TNS1: variants seen among roughly 807,000 people sequenced by gnomAD.
The protein encoded by TNS1 is tensin-1.
In TNS1, 62 loss-of-function variants were observed where a neutral mutation model predicts 168.6. The observed-to-expected ratio is 0.37, with a 90% CI of 0.30 to 0.45. The LOEUF (loss-of-function observed/expected upper bound fraction) is 0.45, where lower values mean the gene tolerates loss of function less well. Among genes scored for constraint, TNS1 ranks in the 20% least tolerant of loss-of-function variants. TNS1 has a pLI of 1.00. For missense variants in TNS1, 2,240 were observed against 2,339.4 expected (o/e 0.96, Z 0.88); for synonymous variants, 934 against 933.2 (o/e 1.00, Z -0.02).
At chr2:217,858,700 A>ACACACACACACACACACACAC (rs1212064824) in intron 18 of TNS1, 13 of 188,322 alleles carry the variant, frequency 6.9e-5, no homozygotes, top group African/African-American at 3.4e-4. Flanking sequence ...ACACACACAC[A>ACACACACACACACACACACAC]CCCCACTCCC....
rs190876936 is a variant in TNS1 at position 217,860,140 on chromosome 2, G to A, written c.1430-11053C>T. Reference sequence around the variant, plus strand: ...CCTTCCCAGCTAAGTTTGGTACAGCGAGATTGGGAGGGAAAGCCCTGCCAG... The same window carrying A: ...CCTTCCCAGCTAAGTTTGGTACAGCAAGATTGGGAGGGAAAGCCCTGCCAG... On this transcript the variant is annotated intron_variant, in intron 18 of 32. Transcript: ENST00000682258. 2.9e-3 allele frequency among the ~76,000 whole-genome samples: 441 copies of A among 152,292 alleles called. 5 individuals are homozygous for A. Among genetic ancestry groups the A allele is most frequent in the African/African-American group, 0.01 (429 of 41,546 alleles).
intron 3 of TNS1, among the ~76,000 whole-genome samples, chr2:217,929,315 G>A (rs1575101166): frequency 6.6e-6 from 1 of 152,320 alleles, no homozygotes; most frequent in East Asian, 1.9e-4. Flanking sequence ...CCTAATCAGG[G>A]AAGCTGGGAG....
At chr2:217,849,600 G>A (rs1409019494) in intron 18 of TNS1, 1 of 960,454 alleles carries the variant, frequency 1.0e-6, no homozygotes, top group Non-Finnish European at 1.2e-6. Flanking sequence ...TCACCATTAT[G>A]AGTATCATTA....
chr2:217,867,124 T>G (rs1236066996), intron 18 of TNS1, among the ~76,000 whole-genome samples: 1 of 151,960 alleles, frequency 6.6e-6, no homozygotes, highest in Non-Finnish European at 1.5e-5. Flanking sequence ...TCATGAGGAG[T>G]ACAAGAAATT....
At position 217,836,164 on chromosome 2, in the gene TNS1, G is replaced by T. The variant is rs745427493; in HGVS notation, c.3055C>A (p.Arg1019=). 1 of 1,613,620 alleles carries T rather than the reference G, an allele frequency of 6.2e-7. No homozygotes were observed. The highest frequency in any genetic ancestry group is 1.1e-5 in the South Asian group (1 of 91,070). ...KQPAEPPAPL[R]RRAASDGQYE... Reference sequence around the variant, plus strand: ...TGTCCATCACTGGCCGCCCGCCTCCGCAGAGGGGCTGGGGGCTCTGCAGGC... The same window carrying T: ...TGTCCATCACTGGCCGCCCGCCTCCTCAGAGGGGCTGGGGGCTCTGCAGGC... Residue 1019 remains arginine (R), a synonymous_variant, in exon 20 of 33, where the codon CGG becomes AGG. Coordinates refer to ENST00000682258, the MANE Select transcript of TNS1 (RefSeq NM_001387777.1).
intron 22 of TNS1, among the ~76,000 whole-genome samples, chr2:217,827,865 G>A (rs1033972794): frequency 6.6e-6 from 1 of 152,186 alleles, no homozygotes; most frequent in Non-Finnish European, 1.5e-5. Context: ...CGAGGCCCAC[G>A]CCCCTGAAGT....
chr2:217,858,230 AC>A (rs1416355418), intron 18 of TNS1, among the ~76,000 whole-genome samples: 1 of 151,570 alleles, frequency 6.6e-6, no homozygotes, highest in East Asian at 1.9e-4. Context: ...CAACCCAGAT[AC>A]CCTCGCCCTG....
Position 218,030,986 on chromosome 2 carries a change from GTGTA to G in TNS1, c.156+2830_156+2833del, listed in dbSNP as rs963255499. Among the ~76,000 whole-genome samples the G allele has an allele frequency of 4.0e-4, 61 of 151,702 alleles. 1 individual carries two copies. Among genetic ancestry groups the G allele is most frequent in the Middle Eastern group, 3.4e-3 (1 of 294 alleles). ...GCATGTGTGTGAACTGTGTGTATGA[GTGTA>G]TGTATGAGTGTGAGTGTGGGAGTGT... On this transcript the variant is annotated intron_variant, in intron 1 of 1. Coordinates refer to the TNS1 transcript ENST00000649572.
intron 18 of TNS1, chr2:217,850,440 A>G (rs765364961): frequency 1.6e-4 from 157 of 985,168 alleles, no homozygotes; most frequent in Non-Finnish European, 1.9e-4. Flanking sequence ...CCCCCTGAGC[A>G]ACACTTTCTC....
At chr2:217,826,320 C>T (rs1353161771) in intron 22 of TNS1, among the ~76,000 whole-genome samples, 1 of 152,194 alleles carries the variant, frequency 6.6e-6, no homozygotes, top group Admixed American at 6.5e-5. Context: ...TTTTCAGATG[C>T]AGATCTCCGT....
intron 2 of TNS1, among the ~76,000 whole-genome samples, chr2:217,984,774 A>G (rs1209968859): frequency 7.1e-6 from 1 of 140,748 alleles, no homozygotes; most frequent in African/African-American, 2.8e-5. Context: ...TTTTCCCCCC[A>G]AGACAGAGTC....
intron 1 of TNS1, among the ~76,000 whole-genome samples, chr2:218,017,849 C>T (rs570078394): frequency 1.8e-4 from 28 of 152,210 alleles, no homozygotes; most frequent in Non-Finnish European, 3.4e-4. Flanking sequence ...GCCAGCTGCA[C>T]ACTGCCCACC....
At position 217,886,724 on chromosome 2, in the gene TNS1, A is replaced by G. The variant is rs925849178; in HGVS notation, c.867-78T>C. On this transcript the variant is annotated intron_variant, in intron 12 of 32. Coordinates refer to ENST00000682258, the MANE Select transcript of TNS1 (RefSeq NM_001387777.1). ...AATCCCTGTTCTCTCTTTTCCAAGA[A>G]CATTGCCCTAGACCACTCACCTACT... The G allele has an allele frequency of 2.0e-5, 23 of 1,168,974 alleles. No individual in the cohort carries two copies. In the East Asian group the frequency reaches 4.6e-4, roughly 23 times the overall value. 72.4% of individuals were successfully genotyped at this position (1,168,974 alleles called of 1,614,324 possible).
chr2:217,969,524 C>T (rs986690989), intron 3 of TNS1, among the ~76,000 whole-genome samples: 3 of 151,764 alleles, frequency 2.0e-5, no homozygotes, highest in African/African-American at 7.3e-5. Context: ...AAAAAAAATT[C>T]AGATCTATAT....
chr2:217,835,204 T>G (rs757300246), intron 20 of TNS1, 38 bp from the exon 21 acceptor site: 2 of 1,580,868 alleles, frequency 1.3e-6, no homozygotes, highest in African/African-American at 1.4e-5. Flanking sequence ...AGGGAAACCA[T>G]GAGAAGGAGA....
At chr2:217,825,635 C>T (rs780978756) in intron 22 of TNS1, among the ~76,000 whole-genome samples, 6 of 152,200 alleles carry the variant, frequency 3.9e-5, no homozygotes, top group Non-Finnish European at 8.8e-5. Context: ...GGCCACACCA[C>T]CCCGTCCTGT....
chr2:217,980,433 C>T (rs186414171), intron 2 of TNS1, among the ~76,000 whole-genome samples: 20 of 151,868 alleles, frequency 1.3e-4, no homozygotes, highest in Admixed American at 3.3e-4. Context: ...ATAGAGGAAA[C>T]GTCCCCTTTG....
At chr2:217,868,649 G>T (rs1334928220) in intron 18 of TNS1, among the ~76,000 whole-genome samples, 1 of 152,254 alleles carries the variant, frequency 6.6e-6, no homozygotes, top group Admixed American at 6.5e-5. Flanking sequence ...CTATAAGACA[G>T]GTACTAGCCT....
chr2:217,849,857 C>T, intron 18 of TNS1: 1 of 985,442 alleles, frequency 1.0e-6, no homozygotes, highest in Non-Finnish European at 1.2e-6. Flanking sequence ...AAGGGCCCCA[C>T]CATGCCCAAG....
Sources: gnomAD v4.1 joint callset for allele counts (sites outside exome capture counted in the v4.1 genomes callset) on GRCh38, gnomAD v4.1.1 for gene constraint, MANE v1.5 for transcripts, NCBI Gene and HGNC (gene_info 2026-07-23, HGNC 2026-07-21) for gene names.